ZRSR2: variants seen among roughly 807,000 people sequenced by gnomAD.
ZRSR2 encodes the protein zinc finger CCCH-type, RNA binding motif and serine/arginine rich 2, also known as U2 small nuclear ribonucleoprotein auxiliary factor 35 kDa subunit-related protein 2.
Under a neutral mutation model 39.4 loss-of-function variants are expected in ZRSR2, and 3 were observed. That is an observed-to-expected ratio of 0.08 (90% CI 0.03 to 0.20). ZRSR2 has a LOEUF of 0.20. Among genes scored for constraint, ZRSR2 ranks in the 10% least tolerant of loss-of-function variants. The pLI is 1.00. For missense variants in ZRSR2, 256 were observed against 391.5 expected, an observed-to-expected ratio of 0.65 and a Z score of 2.92; for synonymous variants, 137 against 136.0, an observed-to-expected ratio of 1.01 and a Z score of -0.05.
intron 7 of ZRSR2, among the ~76,000 whole-genome samples, chrX:15,811,387 A>G (rs1163962319): frequency 1.9e-5 from 2 of 108,100 alleles, no homozygotes; most frequent in African/African-American, 6.8e-5. Flanking sequence ...ATTTCCTCCA[A>G]ATTTAAGACC....
intron 7 of ZRSR2, among the ~76,000 whole-genome samples, chrX:15,812,123 G>T (rs983631687): frequency 1.8e-5 from 2 of 109,403 alleles, no homozygotes; most frequent in Non-Finnish European, 3.8e-5. Context: ...TATAGATGGG[G>T]TTTCACCATG....
chrX:15,807,504 G>T (rs983883311), intron 5 of ZRSR2, among the ~76,000 whole-genome samples: 8 of 107,579 alleles, frequency 7.4e-5, no homozygotes, highest in South Asian at 4.2e-4. Context: ...TGGCCAGGCT[G>T]GTCTAGAACT....
intron 2 of ZRSR2, among the ~76,000 whole-genome samples, chrX:15,791,552 C>T (rs1456345372): frequency 9.0e-6 from 1 of 111,271 alleles, no homozygotes; most frequent in Non-Finnish European, 1.9e-5. Context: ...TCACAGCAGC[C>T]TCCACCTCCC....
At chrX:15,794,400 C>G (rs193186849) in intron 2 of ZRSR2, among the ~76,000 whole-genome samples, 10 of 111,053 alleles carry the variant, frequency 9.0e-5, no homozygotes, top group African/African-American at 3.3e-4. Context: ...TATTAAGTGC[C>G]TGCTGTTGAC....
chrX:15,791,396 A>C (rs965734538), intron 2 of ZRSR2, among the ~76,000 whole-genome samples: 3 of 112,107 alleles, frequency 2.7e-5, no homozygotes, highest in Non-Finnish European at 5.6e-5. Context: ...TTTTTCTCAA[A>C]CTTGACTAAT....
intron 6 of ZRSR2, 30 bp from the exon 7 acceptor site, chrX:15,809,170 C>A: frequency 9.7e-7 from 1 of 1,031,208 alleles, no homozygotes; most frequent in Admixed American, 2.2e-5. Context: ...GTTTTTACTC[C>A]ACCAGTAAAG....
chrX:15,800,186 C>CTTTTTTT (rs752445746), intron 3 of ZRSR2, among the ~76,000 whole-genome samples: 1 of 79,306 alleles, frequency 1.3e-5, no homozygotes, highest in African/African-American at 4.7e-5. Flanking sequence ...TTTTTTCTTT[C>CTTTTTTT]TTTTTTTTTT....
At chrX:15,817,684 G>A (rs1933006114) in intron 8 of ZRSR2, among the ~76,000 whole-genome samples, 1 of 111,354 alleles carries the variant, frequency 9.0e-6, no homozygotes, top group Non-Finnish European at 1.9e-5. Context: ...GTGAAGGTAC[G>A]TGTAACCTAT....
rs1442344329 is a variant in ZRSR2, at chrX:15,822,742, A to C, written c.949A>C (p.Ile317Leu). 1.7e-6 allele frequency: 2 copies of C among 1,211,460 alleles called. No individual in the cohort carries two copies. The highest frequency in any genetic ancestry group is 2.2e-6 in the Non-Finnish European group (2 of 895,578). The change falls in exon 11 of 11, where the codon ATA becomes CTA. Residue 317 changes from isoleucine to leucine, a missense_variant. By Grantham distance (5) the Ile-to-Leu change is conservative. Coordinates refer to ENST00000307771, the MANE Select transcript of ZRSR2 (RefSeq NM_005089.4). ...CTGTGCCATTGCAGGTTTATTTGAA[A>C]TACAACAATGTCCAAGAGGAAAGCA... ...WKMAICGLFE[I>L]QQCPRGKHCN... is the part of the protein sequence containing the mutation.
intron 5 of ZRSR2, 70 bp downstream of exon 5, chrX:15,804,267 G>GTT: frequency 2.6e-5 from 26 of 1,017,574 alleles, no homozygotes; most frequent in East Asian, 7.3e-5. Context: ...CAGAGTTTGG[G>GTT]TTTTTTTTTT....
chrX:15,794,641 G>A (rs1932389530), intron 2 of ZRSR2, among the ~76,000 whole-genome samples: 1 of 111,606 alleles, frequency 9.0e-6, no homozygotes. Context: ...GGATGATTTG[G>A]TCTTGCTCTC....
At chrX:15,819,596 T>C (rs1933054962) in intron 9 of ZRSR2, among the ~76,000 whole-genome samples, 1 of 110,789 alleles carries the variant, frequency 9.0e-6, no homozygotes, top group Admixed American at 9.6e-5. Context: ...AAGAAAAAAA[T>C]AATAAATTTA....
chrX:15,821,066 G>A (rs763286031), intron 10 of ZRSR2, among the ~76,000 whole-genome samples: 1 of 112,131 alleles, frequency 8.9e-6, no homozygotes, highest in African/African-American at 3.2e-5. Flanking sequence ...CCTGCCTAAC[G>A]CAAAGTCAGA....
chrX:15,796,260 A>G (rs1024158980), intron 2 of ZRSR2, among the ~76,000 whole-genome samples: 12 of 112,149 alleles, frequency 1.1e-4, no homozygotes, highest in African/African-American at 3.2e-4. Flanking sequence ...TGTGAGTCTC[A>G]TGATGTTATT....
Position 15,804,161 on chromosome X carries a change from G to A in ZRSR2, c.363G>A (p.Glu121=). The change falls in exon 5 of 11, where the codon GAG becomes GAA. Residue 121 remains glutamate, a synonymous_variant. Coordinates refer to ENST00000307771, the MANE Select transcript of ZRSR2 (RefSeq NM_005089.4). ...WEEQQRKERE[E]EEQKRQEKKE... ...AACAGCAGAGGAAAGAGAGAGAAGA[G>A]GAGGAGCAGAAACGACAGGAGAAGA... 8.3e-7 allele frequency: 1 copy of A among 1,198,257 alleles called. No individual in the cohort carries two copies. Among genetic ancestry groups the A allele is most frequent in the Non-Finnish European group, 1.1e-6 (1 of 888,794 alleles).
intron 4 of ZRSR2, 129 bp from the exon 5 acceptor site, chrX:15,803,982 A>T: frequency 2.2e-6 from 1 of 454,434 alleles, no homozygotes. Context: ...TCTTGAACTT[A>T]AAAAAAAAAA....
chrX:15,821,987 A>G (rs1410497536), intron 10 of ZRSR2, among the ~76,000 whole-genome samples: 1 of 110,508 alleles, frequency 9.0e-6, no homozygotes, highest in African/African-American at 3.3e-5. Context: ...TCTATGTTTA[A>G]TAGGCCTTCT....
intron 3 of ZRSR2, among the ~76,000 whole-genome samples, chrX:15,800,721 A>G (rs1327295157): frequency 8.9e-6 from 1 of 112,058 alleles, no homozygotes; most frequent in Non-Finnish European, 1.9e-5. Context: ...TGATGCAGGG[A>G]TCTAATTCAG....
At chrX:15,802,105 C>T (rs5936058) in intron 3 of ZRSR2, among the ~76,000 whole-genome samples, 345 of 111,955 alleles carry the variant, frequency 3.1e-3, no homozygotes, top group Non-Finnish European at 4.9e-3. Context: ...TGCAATGTGC[C>T]AGCCTCTGCC....
Sources: gnomAD v4.1 joint callset for allele counts (sites outside exome capture counted in the v4.1 genomes callset) on GRCh38, gnomAD v4.1.1 for gene constraint, MANE v1.5 for transcripts, NCBI Gene and HGNC (gene_info 2026-07-23, HGNC 2026-07-21) for gene names.